BEND6: variants seen among roughly 807,000 people sequenced by gnomAD.
BEND6 encodes BEN domain-containing protein 6.
A neutral mutation model predicts 31.8 loss-of-function variants in BEND6; 24 were observed. That is an observed-to-expected ratio of 0.75 (90% CI 0.55 to 1.06). BEND6 has a LOEUF of 1.06. BEND6 is among the 50% of genes least tolerant of loss of function. The pLI is 0.00. For synonymous variants in BEND6, 109 were observed against 114.6 expected (o/e 0.95, Z 0.31); for missense variants, 294 against 327.4 (o/e 0.90, Z 0.79).
chr6:56,968,247 A>G (rs939910171), intron 1 of BEND6, among the ~76,000 whole-genome samples: 1 of 151,086 alleles, frequency 6.6e-6, no homozygotes, highest in Non-Finnish European at 1.5e-5. Context: ...AAAATATAAA[A>G]TGATTCAGGT....
chr6:56,959,054 A>G (rs1825196411), intron 1 of BEND6, among the ~76,000 whole-genome samples: 1 of 152,226 alleles, frequency 6.6e-6, no homozygotes, highest in African/African-American at 2.4e-5. Flanking sequence ...TATTTGAACA[A>G]GTTTCTAGGG....
chr6:56,993,517 G>A (rs1263011569), intron 3 of BEND6, among the ~76,000 whole-genome samples: 1 of 152,170 alleles, frequency 6.6e-6, no homozygotes, highest in Non-Finnish European at 1.5e-5. Context: ...AGACAGAATA[G>A]TAATAAGAGA....
chr6:56,968,559 A>G (rs1196601926), intron 1 of BEND6, among the ~76,000 whole-genome samples: 3 of 151,388 alleles, frequency 2.0e-5, no homozygotes, highest in African/African-American at 7.3e-5. Context: ...CCTGGGCTCA[A>G]GCAATCCTCC....
chr6:57,011,802 C>T (rs925863126), intron 3 of BEND6, among the ~76,000 whole-genome samples: 12 of 150,204 alleles, frequency 8.0e-5, no homozygotes, highest in African/African-American at 2.9e-4. Context: ...TGGAAGCAAC[C>T]TAATTTCCAA....
At chr6:56,985,192 C>T (rs1215502084) in intron 2 of BEND6, among the ~76,000 whole-genome samples, 1 of 152,176 alleles carries the variant, frequency 6.6e-6, no homozygotes, top group Non-Finnish European at 1.5e-5. Context: ...TACCACCTGA[C>T]CTCTCAGTAA....
intron 3 of BEND6, chr6:57,010,906 A>G (rs1345901015): frequency 9.0e-6 from 5 of 556,002 alleles, no homozygotes; most frequent in Non-Finnish European, 1.1e-5. Context: ...TTTGAGAAAA[A>G]TATTTGCAAC....
intron 2 of BEND6, among the ~76,000 whole-genome samples, chr6:56,986,846 G>A (rs1046493832): frequency 5.3e-5 from 8 of 152,138 alleles, no homozygotes; most frequent in African/African-American, 1.7e-4. Context: ...ATCCTTACAG[G>A]TCCATTGGGG....
chr6:56,963,913 T>C (rs1257593590), intron 1 of BEND6, among the ~76,000 whole-genome samples: 1 of 147,806 alleles, frequency 6.8e-6, no homozygotes, highest in Non-Finnish European at 1.5e-5. Flanking sequence ...ATATTAATAA[T>C]ATACTTCGTT....
chr6:57,000,291 A>G (rs1281001242), intron 3 of BEND6, among the ~76,000 whole-genome samples: 1 of 152,128 alleles, frequency 6.6e-6, no homozygotes, highest in Admixed American at 6.6e-5. Flanking sequence ...CTTACCCCCA[A>G]CCCCGTGCTC....
intron 3 of BEND6, chr6:57,010,264 A>C (rs1410936974): frequency 6.6e-6 from 1 of 152,194 alleles, no homozygotes. Context: ...CAAATGACCC[A>C]GTTTCTACAA....
At chr6:56,992,052 A>G (rs1327687175) in intron 2 of BEND6, among the ~76,000 whole-genome samples, 1 of 152,232 alleles carries the variant, frequency 6.6e-6, no homozygotes, top group Non-Finnish European at 1.5e-5. Context: ...TCCGGGCTGT[A>G]TATCAGAGAA....
intron 3 of BEND6, among the ~76,000 whole-genome samples, chr6:56,995,750 C>T (rs1434481453): frequency 4.6e-5 from 7 of 152,132 alleles, no homozygotes; most frequent in African/African-American, 7.2e-5. Context: ...CATTTCAACT[C>T]GATTACATCT....
chr6:57,005,400 G>A (rs995902637), intron 3 of BEND6, among the ~76,000 whole-genome samples: 1 of 152,110 alleles, frequency 6.6e-6, no homozygotes, highest in Non-Finnish European at 1.5e-5. Flanking sequence ...TGTGGGCCAC[G>A]CGCAGTGGTC....
At chr6:56,961,225 C>T (rs1399818178) in intron 1 of BEND6, among the ~76,000 whole-genome samples, 3 of 152,262 alleles carry the variant, frequency 2.0e-5, no homozygotes, top group Non-Finnish European at 4.4e-5. Flanking sequence ...CCTGGGTACC[C>T]CTGAGACTGT....
Position 56,982,075 on chromosome 6 carries a change from T to A in BEND6, c.120+145T>A. The stretch of plus-strand genomic sequence containing the variant: ...ATTCAATGGAGAAAATATAATCTTA[T>A]GTTCTTTTTCTTTTTAAAAATGTTT... On this transcript the variant is annotated intron_variant, in intron 2 of 6. Transcript: ENST00000370746. 2.8e-6 allele frequency: 3 copies of A among 1,084,964 alleles called. No individual in the cohort carries two copies. The South Asian group carries it at 5.4e-5, about 20-fold the overall frequency. The allele number at this position is 1,084,964 out of a possible 1,614,324, so 67.2% of individuals were successfully genotyped here.
intron 6 of BEND6, 48 bp downstream of exon 6, chr6:57,018,605 A>G: frequency 7.2e-7 from 1 of 1,389,924 alleles, no homozygotes; most frequent in Non-Finnish European, 9.5e-7. Context: ...AGAAAATGTC[A>G]TAATACTTTT....
chr6:57,007,411 AC>A (rs147416908), intron 3 of BEND6, among the ~76,000 whole-genome samples: 17,911 of 152,102 alleles, frequency 0.12, 1,358 homozygotes, highest in Middle Eastern at 0.19. Context: ...TAAATTTAAG[AC>A]CCCAAACAAT....
intron 3 of BEND6, among the ~76,000 whole-genome samples, chr6:56,997,753 C>CCGT (rs1826777438): frequency 6.6e-6 from 1 of 152,106 alleles, no homozygotes; most frequent in Non-Finnish European, 1.5e-5. Context: ...CGAGGTTTCA[C>CCGT]GCATTAGCCA....
chr6:56,996,477 AAAC>A (rs1826716821), intron 3 of BEND6, among the ~76,000 whole-genome samples: 1 of 152,058 alleles, frequency 6.6e-6, no homozygotes, highest in East Asian at 1.9e-4. Flanking sequence ...AAACAAAAAA[AAAC>A]ACACAAAAAT....
Sources: gnomAD v4.1 joint callset for allele counts (sites outside exome capture counted in the v4.1 genomes callset) on GRCh38, gnomAD v4.1.1 for gene constraint, MANE v1.5 for transcripts, NCBI Gene and HGNC (gene_info 2026-07-23, HGNC 2026-07-21) for gene names.